The following MRGBP variants were observed in gnomAD, a reference collection of about 807,000 sequenced individuals.
MRGBP encodes MRG/MORF4L-binding protein.
Under a neutral mutation model 21.5 loss-of-function variants are expected in MRGBP, and 5 were observed. The observed-to-expected ratio is 0.23, with a 90% CI of 0.12 to 0.49. The LOEUF (loss-of-function observed/expected upper bound fraction) is 0.49. Among genes scored for constraint, MRGBP ranks in the 20% least tolerant of loss-of-function variants. The pLI, the probability that MRGBP is intolerant of heterozygous loss-of-function variation, is 0.98. For missense variants in MRGBP, 227 were observed against 277.4 expected (o/e 0.82, Z 1.29); for synonymous variants, 118 against 104.4 (o/e 1.13, Z -0.79).
Position 62,798,963 on chromosome 20 carries a change from TCTC to T in MRGBP, c.353-7_353-5del. On this transcript the variant is annotated splice_polypyrimidine_tract_variant and intron_variant, in intron 3 of 4. Coordinates refer to ENST00000370487, the MANE Select transcript of MRGBP (RefSeq NM_018270.6). The stretch of plus-strand genomic sequence containing the variant: ...GTGGGTTTTCGGTGAGCGTCAGCTG[TCTC>T]CTCCACAGGAAAAGTGATGATAGAA... The T allele has an allele frequency of 1.2e-6, 2 of 1,613,352 alleles. No individual in the cohort carries two copies. Among genetic ancestry groups the T allele is most frequent in the Non-Finnish European group, 1.7e-6 (2 of 1,179,926 alleles).
rs752591959 is a variant in MRGBP, at chr20:62,799,673, G to A, written c.*30G>A. 9 of 1,592,454 alleles carry A rather than the reference G, an allele frequency of 5.7e-6. No homozygotes were observed. Among genetic ancestry groups the A allele is most frequent in the Middle Eastern group, 2.0e-4 (1 of 5,002 alleles). On this transcript the variant is annotated 3_prime_UTR_variant, in exon 5 of 5. Transcript: ENST00000370487. Reference sequence around the variant, plus strand: ...TCAGCCCTGGTGGCGGCAGAGAAGCGGGCGAGGCACTGTGGTCGCTGAGGG... The same window carrying A: ...TCAGCCCTGGTGGCGGCAGAGAAGCAGGCGAGGCACTGTGGTCGCTGAGGG...
At chr20:62,798,108 G>A (rs939795745) in intron 2 of MRGBP, among the ~76,000 whole-genome samples, 6 of 152,212 alleles carry the variant, frequency 3.9e-5, no homozygotes, top group African/African-American at 7.2e-5. Flanking sequence ...TGCCTGTGGC[G>A]CTCCCAACCG....
At position 62,798,822 on chromosome 20, in the gene MRGBP, C is replaced by T. The variant is rs556038426; in HGVS notation, c.353-153C>T. 9 of 985,336 alleles carry T rather than the reference C, an allele frequency of 9.1e-6. No homozygotes were observed. In the East Asian group the frequency reaches 4.5e-4, roughly 50 times the overall value. The allele number at this position is 985,336 out of a possible 1,614,324, so 61.0% of individuals were successfully genotyped here. Reference sequence around the variant, plus strand: ...TGTGCTTGGGTGGTCTTGGAACCTCCGGGATTGGAGAGGACTTTGTTTGAG... The same window carrying T: ...TGTGCTTGGGTGGTCTTGGAACCTCTGGGATTGGAGAGGACTTTGTTTGAG... On this transcript the variant is annotated intron_variant, in intron 3 of 4. Coordinates refer to ENST00000370487, the MANE Select transcript of MRGBP (RefSeq NM_018270.6).
chr20:62,799,962 T>G lies in MRGBP; in HGVS notation c.*319T>G. ...GCTGCTTGGTGACATGGATTAGCGC[T>G]ACGTGGGCTGCAGCATTTGGGATCC... On this transcript the variant is annotated 3_prime_UTR_variant, in exon 5 of 5. Transcript: ENST00000370487. The G allele has an allele frequency of 3.6e-6, 1 of 280,348 alleles. No homozygotes were observed. The highest frequency in any genetic ancestry group is 6.7e-6 in the Non-Finnish European group (1 of 149,210). 17.4% of individuals were successfully genotyped at this position (280,348 alleles called of 1,614,324 possible).
Position 62,799,965 on chromosome 20 carries a change from G to A in MRGBP, c.*322G>A, listed in dbSNP as rs572514765. 7.3e-5 allele frequency: 20 copies of A among 273,910 alleles called. No homozygotes were observed. The highest frequency in any genetic ancestry group is 3.5e-4 in the Admixed American group (7 of 20,246). The allele number at this position is 273,910 out of a possible 1,614,324, so 17.0% of individuals were successfully genotyped here. ...GCTTGGTGACATGGATTAGCGCTAC[G>A]TGGGCTGCAGCATTTGGGATCCAGG... On this transcript the variant is annotated 3_prime_UTR_variant, in exon 5 of 5. Transcript: ENST00000370487.
intron 1 of MRGBP, among the ~76,000 whole-genome samples, 164 bp downstream of exon 1, chr20:62,796,835 C>T (rs1339437505): frequency 6.4e-5 from 9 of 140,650 alleles, no homozygotes; most frequent in Non-Finnish European, 1.4e-4. Context: ...CCCACGCGCC[C>T]TTCGGACCCC....
At chr20:62,797,260 C>T in intron 2 of MRGBP, 29 bp downstream of exon 2, 1 of 1,527,374 alleles carries the variant, frequency 6.5e-7, no homozygotes, top group Non-Finnish European at 8.8e-7. Flanking sequence ...CCTGTGCCGC[C>T]CGATGGGGGC....
At position 62,801,236 on chromosome 20, in the gene MRGBP, C is replaced by T. The variant is rs541496829; in HGVS notation, c.*1593C>T. On this transcript the variant is annotated 3_prime_UTR_variant, in exon 5 of 5. Transcript: ENST00000370487. ...GAGCTGTATTCCAAGGGTAGAGCAG[C>T]TGCCTGGGGGGACCCTGTGGGTCCC... 1.1e-4 allele frequency: 16 copies of T among 152,336 alleles called. No individual in the cohort carries two copies. The highest frequency in any genetic ancestry group is 1.2e-4 in the African/African-American group (5 of 41,568). 9.4% of individuals were successfully genotyped at this position (152,336 alleles called of 1,614,324 possible).
At chr20:62,798,716 C>T (rs1392906575) in intron 3 of MRGBP, 48 bp downstream of exon 3, 3 of 1,606,714 alleles carry the variant, frequency 1.9e-6, no homozygotes, top group Middle Eastern at 1.7e-4. Context: ...AGGCCAGACC[C>T]TGGCCAAGGG....
At position 62,796,675 on chromosome 20, in the gene MRGBP, A is replaced by G; in HGVS notation, c.148+4A>G. On this transcript the variant is annotated splice_donor_region_variant and intron_variant, in intron 1 of 4. Transcript: ENST00000370487. ...ATGCTGGGCCACAAGCCCGTCGGTG[A>G]GCGCCCAGGCTGCGGACGCGCGTGG... The G allele has an allele frequency of 7.7e-7, 1 of 1,306,188 alleles. No homozygotes were observed. Among genetic ancestry groups the G allele is most frequent in the Non-Finnish European group, 9.8e-7 (1 of 1,023,908 alleles). 80.9% of individuals were successfully genotyped at this position (1,306,188 alleles called of 1,614,324 possible). A position where few individuals can be genotyped will look rare whatever the true frequency, so the allele number is the denominator to read the frequency against.
chr20:62,799,730 C>A lies in MRGBP; in HGVS notation c.*87C>A. ...CTGGGTCTGAGTGCCACCCCCCAGG[C>A]CACAGTGATACCATCCCAGTGCCAT... On this transcript the variant is annotated 3_prime_UTR_variant, in exon 5 of 5. Coordinates refer to ENST00000370487, the MANE Select transcript of MRGBP (RefSeq NM_018270.6). 7.2e-7 allele frequency: 1 copy of A among 1,393,730 alleles called. No homozygotes were observed. The highest frequency in any genetic ancestry group is 9.7e-7 in the Non-Finnish European group (1 of 1,029,232). 86.3% of individuals were successfully genotyped at this position (1,393,730 alleles called of 1,614,324 possible). A position where few individuals can be genotyped will look rare whatever the true frequency, so the allele number is the denominator to read the frequency against.
Position 62,801,212 on chromosome 20 carries a change from A to AGCTGTAT in MRGBP, c.*1570_*1576dup, listed in dbSNP as rs1387554891. ...AAGCTGCTGGTCTACGGCCTGCCTGAGCTGTATTCCAAGGGTAGAGCAGCT... is the reference window on the plus strand; with the variant it reads ...AAGCTGCTGGTCTACGGCCTGCCTGAGCTGTATGCTGTATTCCAAGGGTAGAGCAGCT... On this transcript the variant is annotated 3_prime_UTR_variant, in exon 5 of 5. Transcript: ENST00000370487. 6.6e-6 allele frequency: 1 copy of AGCTGTAT among 152,214 alleles called. No individual in the cohort carries two copies. The highest frequency in any genetic ancestry group is 2.4e-5 in the African/African-American group (1 of 41,450). The allele number at this position is 152,214 out of a possible 1,614,324, so 9.4% of individuals were successfully genotyped here.
rs1017728704 is a variant in MRGBP, at chr20:62,796,509, G to C, written c.-15G>C. 284 of 1,138,526 alleles carry C rather than the reference G, an allele frequency of 2.5e-4. No homozygotes were observed. The highest frequency in any genetic ancestry group is 3.7e-4 in the Middle Eastern group (1 of 2,700). 70.5% of individuals were successfully genotyped at this position (1,138,526 alleles called of 1,614,324 possible). ...TGCTCCCGCCGGGGGCTCCTTGCTC[G>C]GCCGGGCCGCGGCCATGGGAGAGGC... On this transcript the variant is annotated 5_prime_UTR_variant, in exon 1 of 5. Transcript: ENST00000370487.
At chr20:62,798,766 T>C in intron 3 of MRGBP, 98 bp downstream of exon 3, 1 of 1,587,360 alleles carries the variant, frequency 6.3e-7, no homozygotes, top group South Asian at 1.1e-5. Flanking sequence ...TCCAGGGAGG[T>C]GTGAGGGTCC....
intron 1 of MRGBP, 26 bp from the exon 2 acceptor site, chr20:62,797,084 T>C: frequency 6.4e-7 from 1 of 1,572,300 alleles, no homozygotes; most frequent in Non-Finnish European, 8.6e-7. Flanking sequence ...GCTCACCGGT[T>C]ATCCCGCCGC....
chr20:62,798,916 T>A, intron 3 of MRGBP, 59 bp from the exon 4 acceptor site: 1 of 1,609,006 alleles, frequency 6.2e-7, no homozygotes, highest in Non-Finnish European at 8.5e-7. Context: ...GGCCTGACCA[T>A]CCCCCAGCGT....
rs771024771 is a variant in MRGBP, at chr20:62,799,027, C to A, written c.405C>A (p.Asp135Glu). The part of the protein sequence containing the change: ...EMKEEMKEDV[D>E]PHNGADDVFS... ...AAGAGGAGATGAAGGAAGACGTGGA[C>A]CCCCACAATGGGGCTGACGATGGTG... Residue 135 changes from aspartate to glutamate, a missense_variant, in exon 4 of 5, where the codon GAC (aspartate) becomes GAA (glutamate). Around this residue, in one of 2 missense-constraint regions of MRGBP, gnomAD observed 162 missense variants for 227.7 expected, o/e 0.71. Transcript: ENST00000370487. 59 of 1,613,176 alleles carry A rather than the reference C, an allele frequency of 3.7e-5. No individual in the cohort carries two copies. The highest frequency in any genetic ancestry group is 4.8e-5 in the Non-Finnish European group (57 of 1,179,772).
chr20:62,799,680 G>A lies in MRGBP; in HGVS notation c.*37G>A. 1 of 1,583,990 alleles carries A rather than the reference G, an allele frequency of 6.3e-7. No homozygotes were observed. Among genetic ancestry groups the A allele is most frequent in the Non-Finnish European group, 8.6e-7 (1 of 1,164,636 alleles). On this transcript the variant is annotated 3_prime_UTR_variant, in exon 5 of 5. Coordinates refer to ENST00000370487, the MANE Select transcript of MRGBP (RefSeq NM_018270.6). ...TGGTGGCGGCAGAGAAGCGGGCGAG[G>A]CACTGTGGTCGCTGAGGGGGTTGGC... is the stretch of plus-strand genomic sequence containing the variant.
rs888841508 is a variant in MRGBP, at chr20:62,801,002, T to G, written c.*1359T>G. On this transcript the variant is annotated 3_prime_UTR_variant, in exon 5 of 5. Coordinates refer to ENST00000370487, the MANE Select transcript of MRGBP (RefSeq NM_018270.6). ...ACGTTGCTTCTCTGCCAGTGGAGCC[T>G]CCTCCACCACCTGGGAACATCCCTG... is the stretch of plus-strand genomic sequence containing the variant. 7 of 152,154 alleles carry G rather than the reference T, an allele frequency of 4.6e-5. No individual in the cohort carries two copies. The highest frequency in any genetic ancestry group is 1.4e-4 in the African/African-American group (6 of 41,406). 9.4% of individuals were successfully genotyped at this position (152,154 alleles called of 1,614,324 possible). A position where few individuals can be genotyped will look rare whatever the true frequency, so the allele number is the denominator to read the frequency against.
Sources: allele counts gnomAD v4.1 joint callset (sites outside exome capture counted in the v4.1 genomes callset), GRCh38; gene constraint gnomAD v4.1.1; regional missense constraint gnomAD v4.1.1; transcripts MANE v1.5; gene names NCBI Gene and HGNC (gene_info 2026-07-23, HGNC 2026-07-21).